Variants in SLC39A11 observed in about 807,000 individuals in gnomAD.
The protein encoded by SLC39A11 is solute carrier family 39 member 11.
SLC39A11 carries 33 observed loss-of-function variants against 36.1 expected under a neutral mutation model. That is an observed-to-expected ratio of 0.91 (90% CI 0.69 to 1.22). The LOEUF is 1.22. Among genes scored for constraint, SLC39A11 ranks in the 50% most tolerant of loss-of-function variants. SLC39A11 has a pLI of 0.00. For missense variants in SLC39A11, 432 were observed against 430.3 expected, an observed-to-expected ratio of 1.00 and a Z score of -0.03; for synonymous variants, 166 against 170.3, an observed-to-expected ratio of 0.97 and a Z score of 0.20.
intron 6 of SLC39A11, among the ~76,000 whole-genome samples, chr17:72,818,227 G>A (rs1382890612): frequency 6.6e-6 from 1 of 152,168 alleles, no homozygotes; most frequent in Non-Finnish European, 1.5e-5. Context: ...CAGCCTGAAA[G>A]GTCCAATCAT....
chr17:73,005,884 G>A (rs1179146658), intron 4 of SLC39A11, among the ~76,000 whole-genome samples: 1 of 151,990 alleles, frequency 6.6e-6, no homozygotes, highest in South Asian at 2.1e-4. Context: ...CTGGGAGGTG[G>A]AGGTTGCAGT....
At chr17:72,752,436 G>A (rs1403943680) in intron 6 of SLC39A11, among the ~76,000 whole-genome samples, 10 of 151,908 alleles carry the variant, frequency 6.6e-5, no homozygotes, top group Non-Finnish European at 1.5e-4. Flanking sequence ...GTAGAGATGG[G>A]GTTTCACCAT....
Position 73,035,622 on chromosome 17 carries a change from G to A in SLC39A11, c.148-3908C>T, listed in dbSNP as rs557387953. On this transcript the variant is annotated intron_variant, in intron 3 of 9. Coordinates refer to ENST00000255559, the MANE Select transcript of SLC39A11 (RefSeq NM_139177.4). ...ACCAATGTAACCACAGGGTCCTTACGAAGGAGTGAGAAGGGTCAGAGTCGT... is the reference window on the plus strand; with the variant it reads ...ACCAATGTAACCACAGGGTCCTTACAAAGGAGTGAGAAGGGTCAGAGTCGT... 5.9e-5 allele frequency among the ~76,000 whole-genome samples: 9 copies of A among 152,166 alleles called. No individual in the cohort carries two copies. In the South Asian group the frequency reaches 1.0e-3, roughly 18 times the overall value.
intron 7 of SLC39A11, among the ~76,000 whole-genome samples, chr17:72,717,736 A>G (rs1487701609): frequency 6.6e-6 from 1 of 152,162 alleles, no homozygotes; most frequent in African/African-American, 2.4e-5. Context: ...GGGGATTAAG[A>G]CTTCCATACC....
At chr17:73,062,461 C>CAAAAAA (rs1555698613) in intron 3 of SLC39A11, among the ~76,000 whole-genome samples, 4 of 27,836 alleles carry the variant, frequency 1.4e-4, no homozygotes, top group East Asian at 1.5e-3. Context: ...GAGCTTGTCT[C>CAAAAAA]AAAAAAAAAA....
chr17:73,075,315 A>G (rs567656070), intron 3 of SLC39A11, among the ~76,000 whole-genome samples: 31 of 152,326 alleles, frequency 2.0e-4, no homozygotes, highest in South Asian at 1.2e-3. Context: ...AGCAGAGTCA[A>G]CTGAGGCCCA....
At chr17:72,771,127 C>G (rs1864684) in intron 6 of SLC39A11, among the ~76,000 whole-genome samples, 119,242 of 151,364 alleles carry the variant, frequency 0.79, 47,259 homozygotes, top group African/African-American at 0.88. Context: ...GCTCACGCCT[C>G]TAATACTAGC....
chr17:72,949,144 C>CTTTTTTTGT (rs2085663558), intron 4 of SLC39A11, among the ~76,000 whole-genome samples: 1 of 36,474 alleles, frequency 2.7e-5, no homozygotes, highest in Non-Finnish European at 5.4e-5. Context: ...CACTGGGCAG[C>CTTTTTTTGT]TTTTTTTTTT....
intron 6 of SLC39A11, among the ~76,000 whole-genome samples, chr17:72,764,594 A>G (rs2075702622): frequency 6.6e-6 from 1 of 152,046 alleles, no homozygotes; most frequent in South Asian, 2.1e-4. Flanking sequence ...CCTACACGGC[A>G]TGGTCAGTGA....
At chr17:73,086,590 C>G (rs947010546) in intron 2 of SLC39A11, among the ~76,000 whole-genome samples, 3 of 152,138 alleles carry the variant, frequency 2.0e-5, no homozygotes, top group African/African-American at 7.2e-5. Context: ...GAGGCCGAGG[C>G]AGGCAGATCA....
intron 3 of SLC39A11, among the ~76,000 whole-genome samples, chr17:73,042,234 A>T (rs1345688716): frequency 6.6e-6 from 1 of 152,156 alleles, no homozygotes; most frequent in Non-Finnish European, 1.5e-5. Flanking sequence ...CACAAAACAA[A>T]ATTTTTCTCG....
rs531385614 is a variant in SLC39A11 at position 72,802,607 on chromosome 17, AAAAGAAAAG to A, written c.601+47018_601+47026del. Among the ~76,000 whole-genome samples the A allele has an allele frequency of 2.6e-3, 381 of 148,840 alleles. 1 individual carries two copies. The highest frequency in any genetic ancestry group is 9.1e-3 in the African/African-American group (355 of 39,212). ...CTCCATCTCAAAAAAAAAAAAAAAG[AAAAGAAAAG>A]AAAAGAAAATCACATGGGTTAATTT... is the stretch of plus-strand genomic sequence containing the variant. On this transcript the variant is annotated intron_variant, in intron 6 of 9. Coordinates refer to ENST00000255559, the MANE Select transcript of SLC39A11 (RefSeq NM_139177.4).
intron 6 of SLC39A11, among the ~76,000 whole-genome samples, chr17:72,810,991 G>A (rs548438156): frequency 1.7e-4 from 26 of 151,856 alleles, no homozygotes; most frequent in Non-Finnish European, 3.4e-4. Flanking sequence ...ACCATGCCTG[G>A]CCCGTAAAAA....
chr17:72,938,747 C>T (rs953473303), intron 5 of SLC39A11, among the ~76,000 whole-genome samples: 2 of 152,164 alleles, frequency 1.3e-5, no homozygotes, highest in African/African-American at 4.8e-5. Context: ...CTTTCTGTTT[C>T]CCTAAAGCAC....
At chr17:72,913,705 C>A (rs1256586754) in intron 5 of SLC39A11, among the ~76,000 whole-genome samples, 1 of 152,104 alleles carries the variant, frequency 6.6e-6, no homozygotes, top group South Asian at 2.1e-4. Context: ...GACATGAAGA[C>A]CCTCTGTGGC....
chr17:72,939,458 G>GGA (rs1555641980), intron 5 of SLC39A11, among the ~76,000 whole-genome samples: 1 of 145,508 alleles, frequency 6.9e-6, no homozygotes, highest in South Asian at 2.2e-4. Context: ...GTTCCGTCTC[G>GGA]AAAAAAAAAA....
At chr17:72,875,911 T>C (rs139001226) in intron 5 of SLC39A11, among the ~76,000 whole-genome samples, 81 of 152,288 alleles carry the variant, frequency 5.3e-4, no homozygotes, top group African/African-American at 1.9e-3. Flanking sequence ...AACACTGCCA[T>C]GGCAACATCC....
At chr17:72,858,600 A>G (rs1349986815) in intron 5 of SLC39A11, among the ~76,000 whole-genome samples, 1 of 152,186 alleles carries the variant, frequency 6.6e-6, no homozygotes, top group Non-Finnish European at 1.5e-5. Flanking sequence ...GATTCTTCCT[A>G]TCTCCATAAG....
rs201799463 is a variant in SLC39A11 at position 72,759,111 on chromosome 17, C to CAATAATAATAAT, written c.602-22404_602-22393dup. ...GTGAGATTTCATCTAAAAATAATAACAATAATAATAATAATAATAAATAAT... is the reference window on the plus strand; with the variant it reads ...GTGAGATTTCATCTAAAAATAATAACAATAATAATAATAATAATAATAATAATAATAAATAAT... On this transcript the variant is annotated intron_variant, in intron 6 of 9. Transcript: ENST00000255559. Among the ~76,000 whole-genome samples the CAATAATAATAAT allele has an allele frequency of 1.9e-4, 28 of 144,616 alleles. No homozygotes were observed. The South Asian group carries it at 5.3e-3, about 28-fold the overall frequency. 94.9% of individuals were successfully genotyped at this position (144,616 alleles called of 152,430 possible).
Sources: gnomAD v4.1 joint callset for allele counts (sites outside exome capture counted in the v4.1 genomes callset) on GRCh38, gnomAD v4.1.1 for gene constraint, MANE v1.5 for transcripts, NCBI Gene and HGNC (gene_info 2026-07-23, HGNC 2026-07-21) for gene names.